RTN4: variants seen among roughly 807,000 people sequenced by gnomAD.
The protein encoded by RTN4 is reticulon-4.
Under a neutral mutation model 90.4 loss-of-function variants are expected in RTN4, and 32 were observed. That is an observed-to-expected ratio of 0.35 (90% confidence interval 0.27 to 0.48). The LOEUF (loss-of-function observed/expected upper bound fraction) is 0.48. Ranked by LOEUF, RTN4 falls within the 20% of genes least tolerant of loss-of-function variation. The pLI is 0.99. For missense variants in RTN4, 1,706 were observed against 1,430.2 expected (o/e 1.19, Z -3.11); for synonymous variants, 629 against 552.5 (o/e 1.14, Z -1.94).
intron 6 of RTN4, chr2:54,974,232 T>A: frequency 4.1e-6 from 1 of 244,410 alleles, no homozygotes. Context: ...TAAGGTAGCA[T>A]TTCAATAAAC....
Position 54,990,468 on chromosome 2 carries a change from T to C in RTN4, c.3014-2770A>G, listed in dbSNP as rs148823670. On this transcript the variant is annotated intron_variant, in intron 3 of 8. Transcript: ENST00000337526. The stretch of plus-strand genomic sequence containing the variant: ...GATTTTTCATTAGTAAGATAATTAA[T>C]GTAAAGCACTTAATAGAGTACATAG... Among the ~76,000 whole-genome samples, 1,395 of 152,322 alleles carry C rather than the reference T, an allele frequency of 9.2e-3. 19 individuals are homozygous for C. The highest frequency in any genetic ancestry group is 0.032 in the African/African-American group (1,328 of 41,564).
At chr2:55,059,592 G>A (rs1327103316) in intron 2 of RTN4, among the ~76,000 whole-genome samples, 1 of 152,006 alleles carries the variant, frequency 6.6e-6, no homozygotes, top group African/African-American at 2.4e-5. Flanking sequence ...CCAGCACTTT[G>A]GGAGGCCAAG....
chr2:55,024,351 G>T (rs1222326623), intron 3 of RTN4, among the ~76,000 whole-genome samples: 1 of 152,126 alleles, frequency 6.6e-6, no homozygotes, highest in East Asian at 1.9e-4. Flanking sequence ...TGATGAGCTG[G>T]ACTGTACTGC....
At chr2:55,101,334 T>G (rs1667849294) in intron 1 of RTN4, among the ~76,000 whole-genome samples, 1 of 152,106 alleles carries the variant, frequency 6.6e-6, no homozygotes, top group African/African-American at 2.4e-5. Flanking sequence ...TTGTTGTAAC[T>G]TGTTCAGAAG....
intron 3 of RTN4, among the ~76,000 whole-genome samples, chr2:55,020,234 CA>C (rs929427714): frequency 6.6e-6 from 1 of 152,028 alleles, no homozygotes; most frequent in African/African-American, 2.4e-5. Flanking sequence ...CACAAGACTC[CA>C]AAAAGCAAAA....
chr2:55,011,474 C>T (rs1182606427), intron 3 of RTN4, among the ~76,000 whole-genome samples: 1 of 152,112 alleles, frequency 6.6e-6, no homozygotes, highest in Non-Finnish European at 1.5e-5. Context: ...TCTGCCTAAG[C>T]AGAAAAGGCA....
chr2:55,031,272 A>G (rs1201909778), intron 1 of RTN4, among the ~76,000 whole-genome samples: 3 of 152,332 alleles, frequency 2.0e-5, no homozygotes, highest in Middle Eastern at 3.4e-3. Flanking sequence ...GAGAAAAGGG[A>G]AACCTGCAAG....
intron 3 of RTN4, among the ~76,000 whole-genome samples, chr2:54,991,035 G>C (rs1678976443): frequency 6.6e-6 from 1 of 152,008 alleles, no homozygotes; most frequent in Non-Finnish European, 1.5e-5. Flanking sequence ...GCCCGCCTCG[G>C]CCTCTCAAAG....
chr2:55,018,922 T>G (rs1309474887), intron 3 of RTN4, among the ~76,000 whole-genome samples: 1 of 152,088 alleles, frequency 6.6e-6, no homozygotes, highest in East Asian at 1.9e-4. Flanking sequence ...TTAAAAGGAA[T>G]CAGGCATCCT....
chr2:54,974,795 A>G, intron 5 of RTN4, 31 bp from the exon 6 acceptor site: 1 of 1,582,730 alleles, frequency 6.3e-7, no homozygotes, highest in Non-Finnish European at 8.7e-7. Context: ...CCCATTATAA[A>G]CAAAATTCAA....
At chr2:55,124,455 C>A in the RTN4 span, among the ~76,000 whole-genome samples, 2 of 152,156 alleles carry the variant, frequency 1.3e-5, no homozygotes, top group African/African-American at 4.8e-5. Flanking sequence ...AAAGGCAATC[C>A]CATTCACAAT....
chr2:55,072,934 C>A (rs1368177263), intron 2 of RTN4, among the ~76,000 whole-genome samples: 2 of 152,266 alleles, frequency 1.3e-5, no homozygotes, highest in Non-Finnish European at 2.9e-5. Context: ...GCAACTCTAT[C>A]CCCTGAAAAT....
intron 1 of RTN4, among the ~76,000 whole-genome samples, chr2:55,047,127 G>C (rs1344129111): frequency 2.0e-5 from 3 of 152,080 alleles, no homozygotes; most frequent in Non-Finnish European, 4.4e-5. Context: ...AGGAGTTCAA[G>C]ACCACCAGCC....
intron 1 of RTN4, among the ~76,000 whole-genome samples, chr2:55,045,815 T>A (rs542112631): frequency 6.6e-6 from 1 of 152,238 alleles, no homozygotes; most frequent in Non-Finnish European, 1.5e-5. Flanking sequence ...TTAATTAACC[T>A]TGGTTTAGAA....
chr2:55,089,368 C>A (rs1028316490), intron 1 of RTN4, among the ~76,000 whole-genome samples: 1 of 152,132 alleles, frequency 6.6e-6, no homozygotes, highest in African/African-American at 2.4e-5. Context: ...CCTCCCAGGA[C>A]AGCACTGTTA....
chr2:55,086,535 T>C (rs1573508664), intron 1 of RTN4, among the ~76,000 whole-genome samples: 1 of 150,460 alleles, frequency 6.6e-6, no homozygotes, highest in Non-Finnish European at 1.5e-5. Flanking sequence ...CCAAGCATGG[T>C]GGTATGCGCC....
chr2:54,975,980 G>A (rs1340111404), intron 5 of RTN4, among the ~76,000 whole-genome samples: 1 of 152,174 alleles, frequency 6.6e-6, no homozygotes, highest in East Asian at 1.9e-4. Flanking sequence ...TTTGAAGGAT[G>A]ACTTCAGTTA....
chr2:54,979,197 C>A (rs1208821301), intron 5 of RTN4, among the ~76,000 whole-genome samples: 1 of 150,486 alleles, frequency 6.6e-6, no homozygotes, highest in African/African-American at 2.5e-5. Context: ...GGACTACAGG[C>A]ATGGGCGACC....
chr2:55,112,294 G>A (rs527765836), intron 1 of RTN4, among the ~76,000 whole-genome samples: 14 of 152,238 alleles, frequency 9.2e-5, no homozygotes, highest in East Asian at 7.7e-4. Context: ...ATCTACCCCC[G>A]GACAGCAACC....
Sources: allele counts gnomAD v4.1 joint callset (sites outside exome capture counted in the v4.1 genomes callset), GRCh38; gene constraint gnomAD v4.1.1; transcripts MANE v1.5; gene names NCBI Gene and HGNC (gene_info 2026-07-23, HGNC 2026-07-21).